The following FNIP1 variants were observed in gnomAD, a reference collection of about 807,000 sequenced individuals.
The protein encoded by FNIP1 is folliculin-interacting protein 1.
FNIP1 carries 40 observed loss-of-function variants against 124.5 expected under a neutral mutation model. That is an observed-to-expected ratio of 0.32 (90% CI 0.25 to 0.42). The LOEUF is 0.42. Among genes scored for constraint, FNIP1 ranks in the 10% least tolerant of loss-of-function variants. The probability of loss-of-function intolerance (pLI) is 1.00; values close to 1 mark genes in which losing one functional copy is unlikely to be tolerated. For missense variants in FNIP1, 1,176 were observed against 1,403.7 expected, an observed-to-expected ratio of 0.84 and a Z score of 2.59; for synonymous variants, 472 against 470.6, an observed-to-expected ratio of 1.00 and a Z score of -0.04.
At chr5:131,665,230 A>G (rs1397609850) in intron 15 of FNIP1, among the ~76,000 whole-genome samples, 2 of 152,110 alleles carry the variant, frequency 1.3e-5, no homozygotes, top group African/African-American at 4.8e-5. Flanking sequence ...ACCGGCAATA[A>G]GTGGCCAATT....
chr5:131,773,710 TA>T (rs1169641934), intron 1 of FNIP1, among the ~76,000 whole-genome samples: 29 of 152,362 alleles, frequency 1.9e-4, no homozygotes, highest in African/African-American at 6.7e-4. Flanking sequence ...TATGTGCTAC[TA>T]TATTAGAAAT....
At chr5:131,752,295 G>A (rs746294752) in intron 1 of FNIP1, among the ~76,000 whole-genome samples, 33 of 152,016 alleles carry the variant, frequency 2.2e-4, no homozygotes, top group African/African-American at 7.2e-4. Context: ...TGCCTGCCTC[G>A]GCCTCCCAAA....
chr5:131,644,869 A>C lies in FNIP1; in HGVS notation c.3423-106T>G. The C allele has an allele frequency of 9.1e-6, 10 of 1,095,420 alleles. No homozygotes were observed. The South Asian group carries it at 1.3e-4, about 15-fold the overall frequency. The allele number at this position is 1,095,420 out of a possible 1,614,324, so 67.9% of individuals were successfully genotyped here. On this transcript the variant is annotated intron_variant, in intron 17 of 17. Coordinates refer to ENST00000510461, the MANE Select transcript of FNIP1 (RefSeq NM_133372.3). The stretch of plus-strand genomic sequence containing the variant: ...TAAGGTCACTATACCTCAACGGTTA[A>C]GGAGCTAGGCCACTCTGGCCGAAAG...
At chr5:131,666,469 T>C (rs1767607841) in intron 15 of FNIP1, among the ~76,000 whole-genome samples, 1 of 152,148 alleles carries the variant, frequency 6.6e-6, no homozygotes, top group African/African-American at 2.4e-5. Context: ...AATATAAAAG[T>C]CTTATAACTT....
At chr5:131,763,556 C>T (rs544380425) in intron 1 of FNIP1, among the ~76,000 whole-genome samples, 2 of 152,006 alleles carry the variant, frequency 1.3e-5, no homozygotes, top group East Asian at 1.9e-4. Flanking sequence ...CACCTCATGG[C>T]GGGAATAGGA....
chr5:131,751,874 G>C (rs757045866), intron 1 of FNIP1, among the ~76,000 whole-genome samples: 1 of 152,206 alleles, frequency 6.6e-6, no homozygotes, highest in Non-Finnish European at 1.5e-5. Context: ...GAATTAGACA[G>C]TGGTGATGGT....
intron 16 of FNIP1, among the ~76,000 whole-genome samples, chr5:131,650,189 A>G (rs908073356): frequency 2.6e-5 from 4 of 152,174 alleles, no homozygotes; most frequent in Non-Finnish European, 5.9e-5. Context: ...ATTACATTCA[A>G]TCTGTAGATA....
At chr5:131,661,206 G>A (rs927802210) in intron 15 of FNIP1, among the ~76,000 whole-genome samples, 6 of 133,638 alleles carry the variant, frequency 4.5e-5, no homozygotes, top group African/African-American at 9.4e-5. Context: ...CCTTCTGTCC[G>A]TCTTGTCTTT....
chr5:131,672,659 C>A lies in FNIP1; in HGVS notation c.1785G>T (p.Leu595Phe). ...TAATTTCTTCTGACTCTTTAAAGAG[C>A]AAACTGCTTTTGTTTCTATGCATTG... ...LVTMHRNKSS[L>F]LFKESEEIRT... is the part of the protein sequence containing the mutation. The change falls in exon 14 of 18, where the codon TTG (leucine) becomes TTT (phenylalanine). Residue 595 changes from leucine to phenylalanine, a missense_variant. By Grantham distance (22) the Leu-to-Phe change is conservative (BLOSUM62 0). Transcript: ENST00000510461. 1 of 1,614,158 alleles carries A rather than the reference C, an allele frequency of 6.2e-7. No homozygotes were observed. The highest frequency in any genetic ancestry group is 1.6e-4 in the Middle Eastern group (1 of 6,062).
At position 131,644,777 on chromosome 5, in the gene FNIP1, GAA is replaced by G; in HGVS notation, c.3423-16_3423-15del. ...CTGGATTCAATCCTGAAATAAAGGGGAAAAAAATGTCAGTTTTGATTTTCTGT... is the reference window on the plus strand; with the variant it reads ...CTGGATTCAATCCTGAAATAAAGGGGAAAAATGTCAGTTTTGATTTTCTGT... On this transcript the variant is annotated splice_polypyrimidine_tract_variant and intron_variant, in intron 17 of 17. Coordinates refer to ENST00000510461, the MANE Select transcript of FNIP1 (RefSeq NM_133372.3). 6.2e-7 allele frequency: 1 copy of G among 1,612,266 alleles called. No individual in the cohort carries two copies. The highest frequency in any genetic ancestry group is 8.5e-7 in the Non-Finnish European group (1 of 1,179,000).
rs981197213 is a variant in FNIP1 at position 131,644,556 on chromosome 5, A to G, written c.*129T>C. 2 of 736,052 alleles carry G rather than the reference A, an allele frequency of 2.7e-6. No homozygotes were observed. Among genetic ancestry groups the G allele is most frequent in the African/African-American group, 3.5e-5 (2 of 57,196 alleles). The allele number at this position is 736,052 out of a possible 1,614,324, so 45.6% of individuals were successfully genotyped here. A position where few individuals can be genotyped will look rare whatever the true frequency, so the allele number is the denominator to read the frequency against. ...ACACAGAATATACAATGCTATGCAG[A>G]ATACCCTGGTGACTGACTCATTCAG... On this transcript the variant is annotated 3_prime_UTR_variant, in exon 18 of 18. Transcript: ENST00000510461.
In FNIP1 at chr5:131,796,244, A is replaced by T. The variant is rs533862620; in HGVS notation, c.92+586T>A. On this transcript the variant is annotated intron_variant, in intron 1 of 17. Transcript: ENST00000510461. Reference sequence around the variant, plus strand: ...AGTTTCACATTTCTCCTTCGATAACATTAAGGTCGCTCGGTCCGGTTACTG... The same window carrying T: ...AGTTTCACATTTCTCCTTCGATAACTTTAAGGTCGCTCGGTCCGGTTACTG... 3 of 152,626 alleles carry T rather than the reference A, an allele frequency of 2.0e-5. No homozygotes were observed. The East Asian group carries it at 5.8e-4, about 29-fold the overall frequency. The allele number at this position is 152,626 out of a possible 1,614,324, so 9.5% of individuals were successfully genotyped here. A position where few individuals can be genotyped will look rare whatever the true frequency, so the allele number is the denominator to read the frequency against.
chr5:131,721,503 T>A (rs1230825824), intron 3 of FNIP1, among the ~76,000 whole-genome samples: 1 of 151,892 alleles, frequency 6.6e-6, no homozygotes, highest in East Asian at 1.9e-4. Context: ...ATTTTTTTTT[T>A]AAAGACTTCC....
intron 11 of FNIP1, among the ~76,000 whole-genome samples, chr5:131,688,982 G>C (rs562971410): frequency 4.0e-5 from 6 of 151,710 alleles, no homozygotes; most frequent in Non-Finnish European, 7.4e-5. Flanking sequence ...ATAGACGCAG[G>C]AGGCTCACAG....
intron 3 of FNIP1, among the ~76,000 whole-genome samples, chr5:131,720,807 G>T (rs558460985): frequency 6.6e-6 from 1 of 152,148 alleles, no homozygotes; most frequent in Non-Finnish European, 1.5e-5. Flanking sequence ...CTGTCAGGTT[G>T]GCTATAATCA....
At chr5:131,770,475 C>T (rs766702582) in intron 1 of FNIP1, among the ~76,000 whole-genome samples, 72 of 152,164 alleles carry the variant, frequency 4.7e-4, no homozygotes, top group Middle Eastern at 3.4e-3. Flanking sequence ...GTATGTATCC[C>T]GATAGGACTA....
chr5:131,779,476 G>A (rs1245425034), intron 1 of FNIP1, among the ~76,000 whole-genome samples: 6 of 151,388 alleles, frequency 4.0e-5, no homozygotes, highest in Non-Finnish European at 8.8e-5. Flanking sequence ...TCAGGAGATC[G>A]AGACCATCCT....
Position 131,750,631 on chromosome 5 carries a change from T to TA in FNIP1, c.93-5942dup, listed in dbSNP as rs1319110598. Among the ~76,000 whole-genome samples the TA allele has an allele frequency of 2.6e-5, 4 of 151,388 alleles. No individual in the cohort carries two copies. In the South Asian group the frequency reaches 6.2e-4, roughly 24 times the overall value. ...TCCCTTCTTTCTTTTTTTTTTTTTT[T>TA]AGACAGAGTCTCTCTCTGTCTCTCA... is the stretch of plus-strand genomic sequence containing the variant. On this transcript the variant is annotated intron_variant, in intron 1 of 17. Coordinates refer to ENST00000510461, the MANE Select transcript of FNIP1 (RefSeq NM_133372.3).
chr5:131,693,352 A>ATATATATG (rs1561658522), intron 11 of FNIP1, among the ~76,000 whole-genome samples: 40 of 137,198 alleles, frequency 2.9e-4, no homozygotes, highest in African/African-American at 1.0e-3. Flanking sequence ...ATATATATAT[A>ATATATATG]TATATATATA....
Sources: gnomAD v4.1 joint callset for allele counts (sites outside exome capture counted in the v4.1 genomes callset) on GRCh38, gnomAD v4.1.1 for gene constraint, MANE v1.5 for transcripts, NCBI Gene and HGNC (gene_info 2026-07-23, HGNC 2026-07-21) for gene names.